The following RIOK3 variants were observed in gnomAD, a reference collection of about 807,000 sequenced individuals.
The protein encoded by RIOK3 is serine/threonine-protein kinase RIO3.
Under a neutral mutation model 63.5 loss-of-function variants are expected in RIOK3, and 40 were observed. The ratio of observed to expected loss-of-function variants is 0.63; its 90% CI spans 0.49 to 0.82. The LOEUF (loss-of-function observed/expected upper bound fraction) is 0.82, where lower values mean the gene tolerates loss of function less well. RIOK3 is among the 40% of genes least tolerant of loss of function. The pLI, the probability that RIOK3 is intolerant of heterozygous loss-of-function variation, is 0.00. For synonymous variants in RIOK3, 193 were observed against 205.0 expected, an observed-to-expected ratio of 0.94 and a Z score of 0.50; for missense variants, 557 against 637.0, an observed-to-expected ratio of 0.87 and a Z score of 1.35.
rs1443942148 is a variant in RIOK3 at position 23,453,329 on chromosome 18, C to G, written c.-111C>G. On this transcript the variant is annotated 5_prime_UTR_variant, in exon 1 of 13. Transcript: ENST00000339486. ...CCGCCGTCGCCGCCATCTGTCACCT[C>G]CACTCCGGCATCAGCAGCCAGTCGC... The G allele has an allele frequency of 1.1e-6, 1 of 886,782 alleles. No individual in the cohort carries two copies. The highest frequency in any genetic ancestry group is 1.9e-6 in the Non-Finnish European group (1 of 533,842). The allele number at this position is 886,782 out of a possible 1,614,324, so 54.9% of individuals were successfully genotyped here.
At chr18:23,469,761 C>T (rs965182820) in intron 7 of RIOK3, among the ~76,000 whole-genome samples, 1 of 152,126 alleles carries the variant, frequency 6.6e-6, no homozygotes, top group African/African-American at 2.4e-5. Flanking sequence ...GCTGGGATTA[C>T]AGGCGTGGGC....
At position 23,482,924 on chromosome 18, in the gene RIOK3, G is replaced by C. The variant is rs987033626; in HGVS notation, c.*1645G>C. The C allele has an allele frequency of 5.9e-5, 9 of 152,152 alleles. No individual in the cohort carries two copies. Among genetic ancestry groups the C allele is most frequent in the Non-Finnish European group, 1.5e-5 (1 of 68,024 alleles). 9.4% of individuals were successfully genotyped at this position (152,152 alleles called of 1,614,324 possible). On this transcript the variant is annotated 3_prime_UTR_variant, in exon 13 of 13. Coordinates refer to ENST00000339486, the MANE Select transcript of RIOK3 (RefSeq NM_003831.5). ...TAGATGCTCATTACATTTTTGAAAG[G>C]TTTATGATTCCAAAATAAAGATTTA...
Position 23,462,957 on chromosome 18 carries a change from T to C in RIOK3, c.64-7T>C, listed in dbSNP as rs749509029. The C allele has an allele frequency of 3.6e-6, 5 of 1,379,126 alleles. No homozygotes were observed. The highest frequency in any genetic ancestry group is 5.2e-5 in the Admixed American group (2 of 38,422). 85.4% of individuals were successfully genotyped at this position (1,379,126 alleles called of 1,614,324 possible). A position where few individuals can be genotyped will look rare whatever the true frequency, so the allele number is the denominator to read the frequency against. On this transcript the variant is annotated splice_polypyrimidine_tract_variant and splice_region_variant and intron_variant, in intron 1 of 12. Transcript: ENST00000339486. ...GAATTGAGCTGTTCTTTTTTCTTTT[T>C]TCATAGTGTCCATGGGCTATTCCTC...
intron 1 of RIOK3, among the ~76,000 whole-genome samples, chr18:23,457,193 A>G (rs1598801981): frequency 6.6e-6 from 1 of 152,338 alleles, no homozygotes; most frequent in East Asian, 1.9e-4. Context: ...TGCAAGTTAC[A>G]AAATGCTGAA....
At chr18:23,476,335 T>A (rs2057490939) in intron 9 of RIOK3, among the ~76,000 whole-genome samples, 1 of 152,212 alleles carries the variant, frequency 6.6e-6, no homozygotes. Flanking sequence ...AGAAACTTAA[T>A]GTGCTACTTT....
In RIOK3 at chr18:23,473,475, G is replaced by A; in HGVS notation, c.862G>A (p.Ala288Thr). Residue 288 changes from alanine (A) to threonine (T), a missense_variant, in exon 8 of 13, where the codon GCC becomes ACC. Ala to Thr is a moderately conservative substitution (Grantham distance 58). Coordinates refer to ENST00000339486, the MANE Select transcript of RIOK3 (RefSeq NM_003831.5). The stretch of plus-strand genomic sequence containing the variant: ...TAGTAAAGTTATACCTACAGAATGT[G>A]CCATCAAGGTATTTAAAACAACCCT... ...EDSKVIPTEC[A>T]IKVFKTTLNE... The A allele has an allele frequency of 1.2e-6, 2 of 1,611,570 alleles. No individual in the cohort carries two copies. The highest frequency in any genetic ancestry group is 8.5e-7 in the Non-Finnish European group (1 of 1,178,452).
chr18:23,463,475 T>G (rs893371944), intron 2 of RIOK3, among the ~76,000 whole-genome samples: 26 of 145,116 alleles, frequency 1.8e-4, no homozygotes, highest in African/African-American at 6.4e-4. Context: ...AATGGCACAA[T>G]CTCGGCTCGG....
At chr18:23,463,714 CT>C (rs2057386931) in intron 2 of RIOK3, among the ~76,000 whole-genome samples, 1 of 152,072 alleles carries the variant, frequency 6.6e-6, no homozygotes, top group Non-Finnish European at 1.5e-5. Context: ...TGGCCTCATA[CT>C]TTCATTCAGA....
chr18:23,461,809 G>T (rs890435306), intron 1 of RIOK3, among the ~76,000 whole-genome samples: 5 of 152,052 alleles, frequency 3.3e-5, no homozygotes, highest in Admixed American at 6.5e-5. Context: ...AAATTTTGGG[G>T]CTAGGCTTGG....
chr18:23,469,083 C>T (rs1430101989), intron 7 of RIOK3, among the ~76,000 whole-genome samples: 1 of 152,192 alleles, frequency 6.6e-6, no homozygotes, highest in Non-Finnish European at 1.5e-5. Context: ...CACTAGCTCT[C>T]ACACTTTCAA....
chr18:23,473,541 T>G lies in RIOK3; in HGVS notation c.928T>G (p.Phe310Val). 3 of 1,613,396 alleles carry G rather than the reference T, an allele frequency of 1.9e-6. No individual in the cohort carries two copies. The highest frequency in any genetic ancestry group is 2.5e-6 in the Non-Finnish European group (3 of 1,179,492). Residue 310 changes from phenylalanine to valine, a missense_variant, in exon 8 of 13, where the codon TTC becomes GTC. By Grantham distance (50) the Phe-to-Val change is conservative. Around this residue, in one of 3 missense-constraint regions of RIOK3, gnomAD observed 309 missense variants for 338.7 expected, o/e 0.91. Coordinates refer to ENST00000339486, the MANE Select transcript of RIOK3 (RefSeq NM_003831.5). ...KNRDKYIKDD[F>V]RFKDRFSKLN... ...TCGTGACAAATATATTAAAGATGATTTCAGGTTTAAAGATCGCTTCAGTAA... is the reference window on the plus strand; with the variant it reads ...TCGTGACAAATATATTAAAGATGATGTCAGGTTTAAAGATCGCTTCAGTAA...
intron 5 of RIOK3, among the ~76,000 whole-genome samples, chr18:23,465,862 A>G (rs1290435848): frequency 6.6e-6 from 1 of 152,220 alleles, no homozygotes; most frequent in Non-Finnish European, 1.5e-5. Context: ...GCAAGGTACA[A>G]TGCACATGCC....
intron 1 of RIOK3, among the ~76,000 whole-genome samples, chr18:23,458,067 T>TG (rs2057352077): frequency 6.6e-6 from 1 of 151,564 alleles, no homozygotes; most frequent in East Asian, 1.9e-4. Context: ...CTAGTTGTTT[T>TG]TTTTTTTTTT....
intron 7 of RIOK3, among the ~76,000 whole-genome samples, chr18:23,472,371 G>A (rs904968113): frequency 1.3e-5 from 2 of 152,220 alleles, no homozygotes; most frequent in Non-Finnish European, 2.9e-5. Flanking sequence ...CTAAATGGAA[G>A]AGGAGTCAGC....
chr18:23,473,296 A>AC, intron 7 of RIOK3, 133 bp from the exon 8 acceptor site: 1 of 561,404 alleles, frequency 1.8e-6, no homozygotes, highest in East Asian at 3.0e-5. Flanking sequence ...TCCAAAACCT[A>AC]AAGGCTTAAA....
intron 1 of RIOK3, among the ~76,000 whole-genome samples, chr18:23,461,599 A>C (rs1374672958): frequency 6.6e-6 from 1 of 152,244 alleles, no homozygotes; most frequent in African/African-American, 2.4e-5. Flanking sequence ...AGGCTATAAA[A>C]TATAATCATT....
At chr18:23,457,342 C>T (rs2057347445) in intron 1 of RIOK3, among the ~76,000 whole-genome samples, 1 of 152,182 alleles carries the variant, frequency 6.6e-6, no homozygotes. Flanking sequence ...CTCCTCAAAA[C>T]TGTCAAAGTT....
chr18:23,464,339 G>A (rs770135986), intron 4 of RIOK3, 26 bp downstream of exon 4: 4 of 1,506,196 alleles, frequency 2.7e-6, no homozygotes, highest in Non-Finnish European at 3.7e-6. Flanking sequence ...CTTTCTGGGG[G>A]CAGCAGAATA....
chr18:23,454,921 A>G (rs945948115), intron 1 of RIOK3, among the ~76,000 whole-genome samples: 6 of 152,210 alleles, frequency 3.9e-5, no homozygotes, highest in Non-Finnish European at 8.8e-5. Flanking sequence ...AGAAGCCTAC[A>G]TGGAGGAGGT....
Sources: allele counts gnomAD v4.1 joint callset (sites outside exome capture counted in the v4.1 genomes callset), GRCh38; gene constraint gnomAD v4.1.1; regional missense constraint gnomAD v4.1.1; transcripts MANE v1.5; gene names NCBI Gene and HGNC (gene_info 2026-07-23, HGNC 2026-07-21).